TRAF7: variants seen among roughly 807,000 people sequenced by gnomAD.
TRAF7 encodes the protein TNF receptor associated factor 7.
Under a neutral mutation model 89.3 loss-of-function variants are expected in TRAF7, and 45 were observed. The observed-to-expected ratio is 0.50, with a 90% CI of 0.40 to 0.65. The LOEUF (loss-of-function observed/expected upper bound fraction) is 0.65, where lower values mean the gene tolerates loss of function less well. Ranked by LOEUF, TRAF7 falls within the 30% of genes least tolerant of loss-of-function variation. The probability of loss-of-function intolerance (pLI) is 0.00; values close to 1 mark genes in which losing one functional copy is unlikely to be tolerated. For missense variants in TRAF7, 677 were observed against 918.1 expected, an observed-to-expected ratio of 0.74 and a Z score of 3.39; for synonymous variants, 406 against 369.2, an observed-to-expected ratio of 1.10 and a Z score of -1.14.
At position 2,163,584 on chromosome 16, in the gene TRAF7, C is replaced by T; in HGVS notation, c.-38-299C>T. On this transcript the variant is annotated intron_variant, in intron 1 of 20. Transcript: ENST00000326181. This position sits in a 1 kb window ranked among gnomAD's most constrained non-coding sequence, Gnocchi z 4.3. ...CAGGACCCAGAGGAGTAGAGGGAGC[C>T]AGGCAGGGGTCCCTCCACCTCGGGG... 2.7e-6 allele frequency: 1 copy of T among 370,506 alleles called. No individual in the cohort carries two copies. The highest frequency in any genetic ancestry group is 5.1e-6 in the Non-Finnish European group (1 of 195,406). The allele number at this position is 370,506 out of a possible 1,614,324, so 23.0% of individuals were successfully genotyped here.
In TRAF7 at chr16:2,172,304, A is replaced by T; in HGVS notation, c.589A>T (p.Ser197Cys). ...HCRHGCRVAG[S>C]GKPPIFEVDP... is the part of the protein sequence containing the mutation. ...CCGGCACGGCTGCCGGGTAGCGGGC[A>T]GCGGGAAGCCCCCCATCTTTGAGGT... The change falls in exon 8 of 21, where the codon AGC becomes TGC. Residue 197 changes from serine to cysteine, a missense_variant. Ser to Cys is a moderately radical substitution (Grantham distance 112, BLOSUM62 -1). Coordinates refer to ENST00000326181, the MANE Select transcript of TRAF7 (RefSeq NM_032271.3). 1 of 1,612,738 alleles carries T rather than the reference A, an allele frequency of 6.2e-7. No individual in the cohort carries two copies. The highest frequency in any genetic ancestry group is 1.1e-5 in the South Asian group (1 of 91,072).
At chr16:2,169,503 G>T (rs927332527) in intron 4 of TRAF7, among the ~76,000 whole-genome samples, 1 of 151,876 alleles carries the variant, frequency 6.6e-6, no homozygotes, top group African/African-American at 2.4e-5. Context: ...TACCTTCTCT[G>T]TTTGCTGATA....
At chr16:2,172,717 G>C (rs1433263646) in intron 9 of TRAF7, 118 bp downstream of exon 9, 4 of 1,271,084 alleles carry the variant, frequency 3.1e-6, no homozygotes, top group Non-Finnish European at 3.2e-6. Flanking sequence ...CCACACCGGG[G>C]TCTGTAATCC....
chr16:2,176,503 G>T, intron 20 of TRAF7, 57 bp from the exon 21 acceptor site: 1 of 1,612,890 alleles, frequency 6.2e-7, no homozygotes, highest in South Asian at 1.1e-5. Flanking sequence ...GGCAGGTGTG[G>T]CTGGGGCAGG....
intron 1 of TRAF7, among the ~76,000 whole-genome samples, chr16:2,156,528 G>A (rs1272780713): frequency 6.6e-6 from 1 of 152,110 alleles, no homozygotes; most frequent in Non-Finnish European, 1.5e-5. Flanking sequence ...AGTACTGGCC[G>A]GGGGTAGGGG....
chr16:2,160,675 G>C (rs929606225), intron 1 of TRAF7, among the ~76,000 whole-genome samples: 1 of 152,086 alleles, frequency 6.6e-6, no homozygotes, highest in South Asian at 2.1e-4. Flanking sequence ...GGCTTTTCCC[G>C]GTTTGGGAAG....
intron 4 of TRAF7, among the ~76,000 whole-genome samples, chr16:2,169,490 G>A (rs962506916): frequency 4.6e-5 from 7 of 152,168 alleles, no homozygotes; most frequent in Admixed American, 3.9e-4. Context: ...CAAGAGAGGC[G>A]GGTACCTTCT....
rs937861792 is a variant in TRAF7, at chr16:2,163,358, G to A, written c.-38-525G>A. ...ACTCACCCTGCAGGTTCTTTCTCTG[G>A]GGTGTGGCTGGTGTCTCCCCGCTGC... On this transcript the variant is annotated intron_variant, in intron 1 of 20. Transcript: ENST00000326181. This position sits in a 1 kb window ranked among gnomAD's most constrained non-coding sequence, Gnocchi z 4.3. 4.6e-5 allele frequency among the ~76,000 whole-genome samples: 7 copies of A among 152,188 alleles called. No individual in the cohort carries two copies. The highest frequency in any genetic ancestry group is 1.0e-4 in the Non-Finnish European group (7 of 68,010).
intron 1 of TRAF7, 112 bp downstream of exon 1, chr16:2,155,970 GCC>G (rs1461873440): frequency 2.0e-5 from 3 of 147,942 alleles, no homozygotes; most frequent in Non-Finnish European, 4.5e-5. Flanking sequence ...GAGGGGTCGG[GCC>G]GGGGCGGGGA....
chr16:2,165,258 C>T (rs1159861453), intron 2 of TRAF7, among the ~76,000 whole-genome samples: 1 of 138,812 alleles, frequency 7.2e-6, no homozygotes, highest in African/African-American at 2.8e-5. Flanking sequence ...GCGGCCTGGT[C>T]GCATGGTTAA....
At chr16:2,156,797 C>T (rs2093036729) in intron 1 of TRAF7, among the ~76,000 whole-genome samples, 1 of 152,090 alleles carries the variant, frequency 6.6e-6, no homozygotes. Context: ...GAGAGGCGGT[C>T]CGATCTAGGT....
chr16:2,169,638 C>G (rs955335200), intron 4 of TRAF7, among the ~76,000 whole-genome samples: 8 of 152,158 alleles, frequency 5.3e-5, no homozygotes, highest in Admixed American at 6.5e-5. Flanking sequence ...AGAGTGGTTC[C>G]CGTGCCAGCT....
chr16:2,175,614 A>G lies in TRAF7; in HGVS notation c.1618A>G (p.Thr540Ala), dbSNP rs1173327352. ...QSYLYSGSYQ[T>A]IKIWDIRTLD... The stretch of plus-strand genomic sequence containing the variant: ...CTACCTGTACAGCGGCTCCTACCAG[A>G]CAATCAAGGTGCGCTTGGGCACACC... Residue 540 changes from threonine (T) to alanine (A), a missense_variant, in exon 17 of 21, where the codon ACA becomes GCA. Transcript: ENST00000326181. 1 of 1,611,968 alleles carries G rather than the reference A, an allele frequency of 6.2e-7. No individual in the cohort carries two copies. Among genetic ancestry groups the G allele is most frequent in the East Asian group, 2.2e-5 (1 of 44,860 alleles).
chr16:2,156,891 G>A (rs968098007), intron 1 of TRAF7, among the ~76,000 whole-genome samples: 3 of 152,182 alleles, frequency 2.0e-5, no homozygotes, highest in Admixed American at 6.5e-5. Context: ...CTAGGCCATC[G>A]TCTCCTAGTC....
chr16:2,173,857 G>GCGGGGCGCCCCC, intron 12 of TRAF7, 21 bp downstream of exon 12: 1 of 1,607,510 alleles, frequency 6.2e-7, no homozygotes, highest in Non-Finnish European at 8.5e-7. Flanking sequence ...ACCCGCCGTG[G>GCGGGGCGCCCCC]CTCCCGCCCA....
rs2141293983 is a variant in TRAF7, at chr16:2,175,410, C to A, written c.1496C>A (p.Ala499Asp). The change falls in exon 16 of 21, where the codon GCC becomes GAC. Residue 499 changes from alanine (A) to aspartate (D), a missense_variant. By Grantham distance (126) the Ala-to-Asp change is moderately radical. Coordinates refer to ENST00000326181, the MANE Select transcript of TRAF7 (RefSeq NM_032271.3). ...HNVLFSGSLK[A>D]IKVWDIVGTE... Reference sequence around the variant, plus strand: ...GTGCTCTTCAGCGGCTCCCTGAAGGCCATCAAGGTACGGGTGGAGGCTGTG... The same window carrying A: ...GTGCTCTTCAGCGGCTCCCTGAAGGACATCAAGGTACGGGTGGAGGCTGTG... 1 of 1,613,528 alleles carries A rather than the reference C, an allele frequency of 6.2e-7. No homozygotes were observed. Among genetic ancestry groups the A allele is most frequent in the Non-Finnish European group, 8.5e-7 (1 of 1,179,930 alleles).
At position 2,175,593 on chromosome 16, in the gene TRAF7, C is replaced by T. The variant is rs2141295303; in HGVS notation, c.1597C>T (p.Leu533=). 6.2e-7 allele frequency: 1 copy of T among 1,612,748 alleles called. No individual in the cohort carries two copies. Among genetic ancestry groups the T allele is most frequent in the Non-Finnish European group, 8.5e-7 (1 of 1,179,936 alleles). ...GGCCCTGGTGGCTGCCCAGAGCTAC[C>T]TGTACAGCGGCTCCTACCAGACAAT... ...VRALVAAQSY[L]YSGSYQTIKI... Residue 533 remains leucine (L), a synonymous_variant, in exon 17 of 21, where the codon CTG becomes TTG. Coordinates refer to ENST00000326181, the MANE Select transcript of TRAF7 (RefSeq NM_032271.3).
chr16:2,164,085 A>G (rs1470378266), intron 2 of TRAF7, 84 bp downstream of exon 2: 7 of 1,296,284 alleles, frequency 5.4e-6, no homozygotes, highest in Non-Finnish European at 7.4e-6. Context: ...CAGAGCTCCC[A>G]GCGCAGTCCC....
At chr16:2,170,454 C>T (rs374133467) in intron 4 of TRAF7, among the ~76,000 whole-genome samples, 160 bp from the exon 5 acceptor site, 1 of 152,228 alleles carries the variant, frequency 6.6e-6, no homozygotes, top group Non-Finnish European at 1.5e-5. Context: ...CAGCTCCCCA[C>T]GCCCACCCAC....
Sources: allele counts gnomAD v4.1 joint callset (sites outside exome capture counted in the v4.1 genomes callset), GRCh38; gene constraint gnomAD v4.1.1; non-coding constraint Gnocchi (gnomAD v3.1); transcripts MANE v1.5; gene names NCBI Gene and HGNC (gene_info 2026-07-23, HGNC 2026-07-21).